Variants in LRRC56 observed in about 807,000 individuals in gnomAD.
LRRC56 encodes the protein leucine-rich repeat-containing protein 56.
LRRC56 carries 41 observed loss-of-function variants against 47.8 expected under a neutral mutation model. The observed-to-expected ratio is 0.86, with a 90% confidence interval of 0.67 to 1.11. The LOEUF (loss-of-function observed/expected upper bound fraction) is 1.11, where lower values mean the gene tolerates loss of function less well. Among genes scored for constraint, LRRC56 ranks in the 50% most tolerant of loss-of-function variants. The probability of loss-of-function intolerance (pLI) is 0.00; values close to 1 mark genes in which losing one functional copy is unlikely to be tolerated. For synonymous variants in LRRC56, 387 were observed against 311.2 expected (o/e 1.24, Z -2.56); for missense variants, 759 against 704.2 (o/e 1.08, Z -0.88).
At chr11:551,374 C>A in intron 9 of LRRC56, 72 bp downstream of exon 9, 1 of 1,057,580 alleles carries the variant, frequency 9.5e-7, no homozygotes, top group Non-Finnish European at 1.4e-6. Flanking sequence ...CCACCCCAGG[C>A]TTCTCAGAAA....
chr11:532,768 G>C (rs761468352), upstream of LRRC56: 1 of 1,611,926 alleles, frequency 6.2e-7, no homozygotes. Context: ...GGGAAAGGAG[G>C]GATGGGATCA....
At chr11:539,309 TCTC>T (rs1257331734) in intron 2 of LRRC56, among the ~76,000 whole-genome samples, 11 of 151,462 alleles carry the variant, frequency 7.3e-5, no homozygotes, top group Non-Finnish European at 4.4e-5. Context: ...ATGGTCTTGA[TCTC>T]CTGATCTTGT....
At chr11:550,715 T>A (rs1230560373) in intron 8 of LRRC56, among the ~76,000 whole-genome samples, 1 of 152,118 alleles carries the variant, frequency 6.6e-6, no homozygotes, top group Non-Finnish European at 1.5e-5. Context: ...GGCCCTGGCG[T>A]AGCTCACAGA....
chr11:518,769 C>G, the LRRC56 span, among the ~76,000 whole-genome samples: 2 of 152,222 alleles, frequency 1.3e-5, no homozygotes, highest in East Asian at 1.9e-4. Flanking sequence ...CTGCCCACGA[C>G]GGGGCCGCCG....
At chr11:531,472 C>T in the LRRC56 span, among the ~76,000 whole-genome samples, 1 of 152,192 alleles carries the variant, frequency 6.6e-6, no homozygotes, top group Non-Finnish European at 1.5e-5. Context: ...TGGCCCAAGG[C>T]AGGGCAAGCC....
At chr11:533,143 T>A, upstream of LRRC56, 1 of 815,168 alleles carries the variant, frequency 1.2e-6, no homozygotes, top group South Asian at 1.8e-5. Context: ...GGGTCACCGC[T>A]CCGGCCTGGC....
At chr11:547,603 C>T (rs7933696) in intron 6 of LRRC56, among the ~76,000 whole-genome samples, 4 of 151,848 alleles carry the variant, frequency 2.6e-5, no homozygotes, top group Admixed American at 6.6e-5. Context: ...CTGCCCGCCT[C>T]GGCCTCCCAA....
upstream of LRRC56, chr11:534,160 C>T (rs2133993505): frequency 6.9e-7 from 1 of 1,444,674 alleles, no homozygotes; most frequent in Non-Finnish European, 9.7e-7. Flanking sequence ...TGGCTGTGTC[C>T]TGGGCTCGCC....
In LRRC56 at chr11:541,730, C is replaced by T. The variant is rs184159904; in HGVS notation, c.265+106C>T. 1.6e-3 allele frequency: 1,085 copies of T among 682,114 alleles called. 1 individual carries two copies. The highest frequency in any genetic ancestry group is 2.0e-3 in the Non-Finnish European group (836 of 424,214). 42.3% of individuals were successfully genotyped at this position (682,114 alleles called of 1,614,324 possible). A position where few individuals can be genotyped will look rare whatever the true frequency, so the allele number is the denominator to read the frequency against. Reference sequence around the variant, plus strand: ...ACAAAGCTGTCCTCACCTCTCGGGCCGCGTATCGGCTTCCTTAGGGTTGGC... The same window carrying T: ...ACAAAGCTGTCCTCACCTCTCGGGCTGCGTATCGGCTTCCTTAGGGTTGGC... On this transcript the variant is annotated intron_variant, in intron 5 of 13. Coordinates refer to ENST00000270115, the MANE Select transcript of LRRC56 (RefSeq NM_198075.4). The surrounding 1 kb of genome is among the most constrained non-coding windows in gnomAD (Gnocchi z 4.1).
chr11:528,611 G>T, the LRRC56 span: 2 of 152,334 alleles, frequency 1.3e-5, no homozygotes, highest in Admixed American at 1.3e-4. Flanking sequence ...GGACCACCCC[G>T]GGTGGAGAGG....
intron 5 of LRRC56, among the ~76,000 whole-genome samples, chr11:543,080 C>T (rs567338271): frequency 1.5e-4 from 22 of 151,596 alleles, no homozygotes; most frequent in South Asian, 8.4e-4. Flanking sequence ...TTAGTAGAGA[C>T]GGGGTTTCAC....
chr11:526,063 C>T, the LRRC56 span, among the ~76,000 whole-genome samples: 7 of 151,950 alleles, frequency 4.6e-5, no homozygotes, highest in Middle Eastern at 3.4e-3. Context: ...AAAAATTAGC[C>T]GGGCGTGGTG....
rs374531398 is a variant in LRRC56 at position 540,795 on chromosome 11, C to T, written c.111C>T (p.Gly37=). 7 of 1,605,206 alleles carry T rather than the reference C, an allele frequency of 4.4e-6. No homozygotes were observed. The highest frequency in any genetic ancestry group is 1.1e-5 in the South Asian group (1 of 89,512). The part of the protein sequence containing the change: ...GLHNPCPQSK[G]PGSQRDRLGE... ...ACAACCCCTGCCCACAGAGCAAGGGCCCTGGCAGTCAGAGGGACAGACTTG... is the reference window on the plus strand; with the variant it reads ...ACAACCCCTGCCCACAGAGCAAGGGTCCTGGCAGTCAGAGGGACAGACTTG... Residue 37 remains glycine (G), a synonymous_variant, in exon 4 of 14, where the codon GGC becomes GGT. Coordinates refer to ENST00000270115, the MANE Select transcript of LRRC56 (RefSeq NM_198075.4).
intron 6 of LRRC56, among the ~76,000 whole-genome samples, chr11:549,260 T>G (rs1852245292): frequency 6.6e-6 from 1 of 151,524 alleles, no homozygotes. Flanking sequence ...CAAGGAGAGG[T>G]GCAGAGATGG....
At chr11:534,558 C>A, upstream of LRRC56, 1 of 589,614 alleles carries the variant, frequency 1.7e-6, no homozygotes, top group Non-Finnish European at 3.0e-6. Context: ...GCTGTCGCCT[C>A]GCCCCCACTT....
the LRRC56 span, among the ~76,000 whole-genome samples, chr11:518,755 C>T: frequency 2.6e-5 from 4 of 152,148 alleles, no homozygotes; most frequent in African/African-American, 4.8e-5. Flanking sequence ...GAGCCGGCCC[C>T]GGGCTGCCCA....
At chr11:507,809 G>C in the LRRC56 span, among the ~76,000 whole-genome samples, 6 of 152,346 alleles carry the variant, frequency 3.9e-5, no homozygotes, top group East Asian at 5.8e-4. Flanking sequence ...CACGCTGCCC[G>C]TCCTGGCCAC....
At chr11:519,064 A>T in the LRRC56 span, among the ~76,000 whole-genome samples, 1 of 152,210 alleles carries the variant, frequency 6.6e-6, no homozygotes, top group Non-Finnish European at 1.5e-5. Context: ...TCCGCTGTGC[A>T]AACCGGTCCT....
At chr11:547,599 G>T (rs888269767) in intron 6 of LRRC56, among the ~76,000 whole-genome samples, 2 of 151,786 alleles carry the variant, frequency 1.3e-5, no homozygotes, top group Non-Finnish European at 2.9e-5. Flanking sequence ...TGATCTGCCC[G>T]CCTCGGCCTC....
Sources: gnomAD v4.1 joint callset for allele counts (sites outside exome capture counted in the v4.1 genomes callset) on GRCh38, gnomAD v4.1.1 for gene constraint, Gnocchi (gnomAD v3.1) non-coding constraint, MANE v1.5 for transcripts, NCBI Gene and HGNC (gene_info 2026-07-23, HGNC 2026-07-21) for gene names.